The following RORB variants were observed in gnomAD, a reference collection of about 807,000 sequenced individuals.
RORB encodes the protein RAR related orphan receptor B, also known as nuclear receptor ROR-beta.
A neutral mutation model predicts 59.1 loss-of-function variants in RORB; 6 were observed. The ratio of observed to expected loss-of-function variants is 0.10; its 90% CI spans 0.06 to 0.20. The LOEUF (loss-of-function observed/expected upper bound fraction) is 0.20, where lower values mean the gene tolerates loss of function less well. Among genes scored for constraint, RORB ranks in the 10% least tolerant of loss-of-function variants. RORB has a pLI of 1.00. For synonymous variants in RORB, 215 were observed against 204.5 expected (o/e 1.05, Z -0.44); for missense variants, 320 against 560.5 (o/e 0.57, Z 4.33).
intron 4 of RORB, among the ~76,000 whole-genome samples, chr9:74,646,254 A>G (rs1823896537): frequency 6.6e-6 from 1 of 152,180 alleles, no homozygotes; most frequent in Admixed American, 6.5e-5. Flanking sequence ...GGGTCATCTT[A>G]AAAGCAGATC....
chr9:74,679,296 T>C (rs1268410972), intron 9 of RORB, among the ~76,000 whole-genome samples: 1 of 152,182 alleles, frequency 6.6e-6, no homozygotes, highest in Non-Finnish European at 1.5e-5. Flanking sequence ...TTTTTAAAAG[T>C]ATAACATACA....
At chr9:74,567,812 G>A (rs1050341507) in intron 1 of RORB, among the ~76,000 whole-genome samples, 1 of 152,104 alleles carries the variant, frequency 6.6e-6, no homozygotes, top group African/African-American at 2.4e-5. Flanking sequence ...CCTTTCATTC[G>A]AAGGCATTGC....
chr9:74,645,583 C>A (rs1823882682), intron 4 of RORB, among the ~76,000 whole-genome samples: 2 of 152,032 alleles, frequency 1.3e-5, no homozygotes, highest in African/African-American at 4.8e-5. Flanking sequence ...ATGTAAGCAC[C>A]ATTATTATTA....
chr9:74,644,475 A>T (rs1823863580), intron 4 of RORB, among the ~76,000 whole-genome samples: 1 of 152,200 alleles, frequency 6.6e-6, no homozygotes, highest in African/African-American at 2.4e-5. Context: ...GAGATGTCTC[A>T]TAACTTCCCA....
chr9:74,514,625 T>A (rs546890923), intron 1 of RORB, among the ~76,000 whole-genome samples: 2 of 150,434 alleles, frequency 1.3e-5, no homozygotes, highest in African/African-American at 4.9e-5. Context: ...CTTAAGAGGA[T>A]AACAGTATAC....
At chr9:74,522,063 G>A (rs13291991) in intron 1 of RORB, among the ~76,000 whole-genome samples, 46,827 of 151,476 alleles carry the variant, frequency 0.31, 8,834 homozygotes, top group Non-Finnish European at 0.42. Context: ...GTATTGAGCA[G>A]TCACTTAAGA....
At chr9:74,506,960 T>G (rs1272496469) in intron 1 of RORB, among the ~76,000 whole-genome samples, 2 of 152,094 alleles carry the variant, frequency 1.3e-5, no homozygotes, top group Non-Finnish European at 2.9e-5. Flanking sequence ...AATGATTTCA[T>G]TTCTTGAGGT....
chr9:74,504,958 A>G (rs1825850457), intron 1 of RORB, among the ~76,000 whole-genome samples: 1 of 152,078 alleles, frequency 6.6e-6, no homozygotes. Context: ...ACTAAATTTC[A>G]CTAGATTATG....
chr9:74,552,104 C>T (rs1196079573), intron 1 of RORB, among the ~76,000 whole-genome samples: 1 of 152,098 alleles, frequency 6.6e-6, no homozygotes, highest in Non-Finnish European at 1.5e-5. Context: ...CTATAGGTCT[C>T]AAGGAGTGAA....
chr9:74,666,868 A>G (rs1824277052), intron 7 of RORB, among the ~76,000 whole-genome samples: 1 of 152,228 alleles, frequency 6.6e-6, no homozygotes, highest in African/African-American at 2.4e-5. Flanking sequence ...AACATTAGCA[A>G]AGATGGGCTG....
chr9:74,534,717 G>T (rs773177203), intron 1 of RORB, among the ~76,000 whole-genome samples: 1 of 151,986 alleles, frequency 6.6e-6, no homozygotes, highest in African/African-American at 2.4e-5. Context: ...AGATGCTGAC[G>T]TTGCTGCTGC....
chr9:74,660,329 T>A (rs939915410), intron 4 of RORB, among the ~76,000 whole-genome samples: 3 of 152,130 alleles, frequency 2.0e-5, no homozygotes, highest in Non-Finnish European at 4.4e-5. Flanking sequence ...ATATAATAAT[T>A]TTATATCTTT....
At position 74,671,792 on chromosome 9, in the gene RORB, G is replaced by T; in HGVS notation, c.1115G>T (p.Arg372Leu). The T allele has an allele frequency of 6.2e-7, 1 of 1,606,992 alleles. No individual in the cohort carries two copies. The highest frequency in any genetic ancestry group is 1.1e-5 in the South Asian group (1 of 90,340). Reference protein sequence around the residue: ...FSSAVLISPDRAWLIEPRKVQ... With the variant: ...FSSAVLISPDLAWLIEPRKVQ... ...TACCCACTCTTTCTTTCATCAGACC[G>T]AGCCTGGCTTATAGAACCAAGGAAA... The change falls in exon 9 of 10, where the codon CGA (arginine) becomes CTA (leucine). Residue 372 changes from arginine to leucine, a missense_variant. Around this residue, in one of 4 missense-constraint regions of RORB, gnomAD observed 109 missense variants for 171.0 expected, o/e 0.64. Transcript: ENST00000376896.
chr9:74,519,685 C>T (rs958241575), intron 1 of RORB, among the ~76,000 whole-genome samples: 1 of 151,938 alleles, frequency 6.6e-6, no homozygotes, highest in Non-Finnish European at 1.5e-5. Context: ...TTACAATTCC[C>T]GACAGTCTGT....
chr9:74,533,369 G>A (rs1056242111), intron 1 of RORB, among the ~76,000 whole-genome samples: 3 of 151,896 alleles, frequency 2.0e-5, no homozygotes, highest in African/African-American at 7.3e-5. Context: ...GGAATATGAT[G>A]AGATCTACAT....
intron 1 of RORB, among the ~76,000 whole-genome samples, chr9:74,582,037 TG>T (rs1180466935): frequency 2.6e-5 from 4 of 152,226 alleles, no homozygotes; most frequent in Non-Finnish European, 5.9e-5. Context: ...GGGTTTGTGG[TG>T]ACAGTATAAA....
intron 1 of RORB, among the ~76,000 whole-genome samples, chr9:74,575,111 A>G (rs972819708): frequency 2.0e-5 from 3 of 152,184 alleles, no homozygotes; most frequent in African/African-American, 7.2e-5. Context: ...GGACTGATAC[A>G]AAAAAGGTAG....
Position 74,539,201 on chromosome 9 carries a change from G to A in RORB, c.7+41218G>A, listed in dbSNP as rs531174579. On this transcript the variant is annotated intron_variant, in intron 1 of 9. Coordinates refer to ENST00000376896, the MANE Select transcript of RORB (RefSeq NM_006914.4). ...GTTGAGCAATATCTTATGGAAGTAA[G>A]CAATCAATTAAGAACCACAGCAGAA... is the stretch of plus-strand genomic sequence containing the variant. 1.4e-4 allele frequency among the ~76,000 whole-genome samples: 22 copies of A among 152,214 alleles called. 1 individual carries two copies. In the South Asian group the frequency reaches 3.1e-3, roughly 22 times the overall value.
chr9:74,512,526 A>G (rs1393389685), intron 1 of RORB, among the ~76,000 whole-genome samples: 2 of 152,214 alleles, frequency 1.3e-5, no homozygotes, highest in Admixed American at 1.3e-4. Context: ...TTTGCCCTGC[A>G]GGAGATCAAT....
Sources: allele counts gnomAD v4.1 joint callset (sites outside exome capture counted in the v4.1 genomes callset), GRCh38; gene constraint gnomAD v4.1.1; regional missense constraint gnomAD v4.1.1; transcripts MANE v1.5; gene names NCBI Gene and HGNC (gene_info 2026-07-23, HGNC 2026-07-21).